The following NTM variants were observed in gnomAD, a reference collection of about 807,000 sequenced individuals.
NTM encodes the protein IgLON family member 2.
NTM carries 13 observed loss-of-function variants against 42.1 expected under a neutral mutation model. The ratio of observed to expected loss-of-function variants is 0.31; its 90% confidence interval spans 0.20 to 0.49. The LOEUF (loss-of-function observed/expected upper bound fraction) is 0.49. NTM is among the 20% of genes least tolerant of loss of function. NTM has a pLI of 0.99. For missense variants in NTM, 373 were observed against 452.8 expected (o/e 0.82, Z 1.60); for synonymous variants, 187 against 179.2 (o/e 1.04, Z -0.35).
At chr11:131,636,748 CTG>C (rs1415287322) in intron 1 of NTM, among the ~76,000 whole-genome samples, 6 of 152,228 alleles carry the variant, frequency 3.9e-5, no homozygotes, top group African/African-American at 1.4e-4. Context: ...GAGCAAGTGA[CTG>C]TATGTCTGTG....
intron 1 of NTM, among the ~76,000 whole-genome samples, chr11:131,394,529 T>C (rs1337465242): frequency 6.6e-6 from 1 of 152,212 alleles, no homozygotes; most frequent in Non-Finnish European, 1.5e-5. Context: ...TGAGTGACTT[T>C]GGAGCCATGC....
At chr11:132,283,504 C>T (rs1052737333) in intron 4 of NTM, among the ~76,000 whole-genome samples, 6 of 152,118 alleles carry the variant, frequency 3.9e-5, no homozygotes, top group Middle Eastern at 3.4e-3. Context: ...ATTAGGACAG[C>T]GATCAGAGAT....
chr11:132,007,682 C>T (rs2071122210), intron 2 of NTM, among the ~76,000 whole-genome samples: 1 of 152,188 alleles, frequency 6.6e-6, no homozygotes. Context: ...TAATCATCCA[C>T]CTGATTTGCA....
intron 1 of NTM, among the ~76,000 whole-genome samples, chr11:131,636,797 C>A (rs2064457151): frequency 6.6e-6 from 1 of 152,156 alleles, no homozygotes; most frequent in Admixed American, 6.5e-5. Flanking sequence ...ATTATAACAC[C>A]TTTCAGTGGA....
intron 1 of NTM, among the ~76,000 whole-genome samples, chr11:131,826,372 G>A (rs900218320): frequency 5.3e-5 from 8 of 151,976 alleles, no homozygotes; most frequent in Non-Finnish European, 1.5e-5. Flanking sequence ...AATGCCATGA[G>A]TCCCAGAAAA....
chr11:131,600,254 C>A (rs193184926), intron 1 of NTM, among the ~76,000 whole-genome samples: 1 of 152,116 alleles, frequency 6.6e-6, no homozygotes, highest in African/African-American at 2.4e-5. Flanking sequence ...GAAGCACATT[C>A]CTCATGCAGA....
At chr11:131,395,465 T>C (rs1042425342) in intron 1 of NTM, among the ~76,000 whole-genome samples, 1 of 152,176 alleles carries the variant, frequency 6.6e-6, no homozygotes. Flanking sequence ...AACTTTTTTC[T>C]CTCTTTTTTC....
At chr11:131,757,704 T>G (rs1003162541) in intron 1 of NTM, among the ~76,000 whole-genome samples, 6 of 152,204 alleles carry the variant, frequency 3.9e-5, no homozygotes, top group African/African-American at 1.4e-4. Context: ...ATTATTATTA[T>G]GTTTGTTTTT....
At chr11:131,845,637 T>C (rs1169306306) in intron 1 of NTM, among the ~76,000 whole-genome samples, 1 of 151,462 alleles carries the variant, frequency 6.6e-6, no homozygotes, top group African/African-American at 2.4e-5. Flanking sequence ...ATCTAATTCA[T>C]CTCTGGAACG....
At chr11:131,815,116 A>G (rs1341640513) in intron 1 of NTM, among the ~76,000 whole-genome samples, 1 of 152,102 alleles carries the variant, frequency 6.6e-6, no homozygotes. Context: ...CCTCAGGATC[A>G]AGCTCGAACT....
At chr11:131,389,194 C>T (rs1463591343) in intron 1 of NTM, among the ~76,000 whole-genome samples, 2 of 152,154 alleles carry the variant, frequency 1.3e-5, no homozygotes, top group African/African-American at 2.4e-5. Context: ...GGTTGAGCTC[C>T]CTGCCTCGGG....
At chr11:131,635,773 C>T (rs966787928) in intron 1 of NTM, among the ~76,000 whole-genome samples, 16 of 152,134 alleles carry the variant, frequency 1.1e-4, no homozygotes, top group African/African-American at 3.4e-4. Flanking sequence ...CGCCTCTTCT[C>T]ACTGACTCAC....
intron 5 of NTM, 49 bp from the exon 6 acceptor site, chr11:132,310,056 CAAAAAAA>C: frequency 1.1e-5 from 14 of 1,316,884 alleles, no homozygotes; most frequent in Admixed American, 6.9e-5. Flanking sequence ...GACTCCATCT[CAAAAAAA>C]AAAAAAAAAA....
intron 4 of NTM, among the ~76,000 whole-genome samples, chr11:132,298,444 G>T (rs1364115982): frequency 6.6e-6 from 1 of 152,080 alleles, no homozygotes; most frequent in Non-Finnish European, 1.5e-5. Flanking sequence ...ATCATCACGC[G>T]TAATAGAGGG....
At chr11:132,063,182 T>C (rs1012722958) in intron 2 of NTM, among the ~76,000 whole-genome samples, 2 of 152,120 alleles carry the variant, frequency 1.3e-5, no homozygotes. Context: ...CCTCTCCCTT[T>C]TGGGAGCCTC....
chr11:132,000,516 A>C (rs1452002065), intron 2 of NTM, among the ~76,000 whole-genome samples: 1 of 152,178 alleles, frequency 6.6e-6, no homozygotes, highest in African/African-American at 2.4e-5. Flanking sequence ...TGTGCAAAGC[A>C]TTTGGGGTGA....
At chr11:132,139,413 G>A (rs1056659041) in intron 2 of NTM, among the ~76,000 whole-genome samples, 1 of 152,202 alleles carries the variant, frequency 6.6e-6, no homozygotes, top group African/African-American at 2.4e-5. Flanking sequence ...ATTTAAATTA[G>A]TGTTGGGCTT....
chr11:131,584,993 G>C lies in NTM; in HGVS notation c.82+214105G>C, dbSNP rs76496071. Among the ~76,000 whole-genome samples, 86 of 151,618 alleles carry C rather than the reference G, an allele frequency of 5.7e-4. 2 individuals carry two copies. In the East Asian group the frequency reaches 0.017, roughly 30 times the overall value. ...GAAGCGCAGCTGCTGAGAGGCCAAG[G>C]GGGGTGCAGTGGGGGGGAAGCTGCA... On this transcript the variant is annotated intron_variant, in intron 1 of 8. Transcript: ENST00000683400.
chr11:132,250,779 G>C (rs367848145), intron 4 of NTM, among the ~76,000 whole-genome samples: 5 of 151,734 alleles, frequency 3.3e-5, no homozygotes, highest in African/African-American at 9.7e-5. Flanking sequence ...TATTAGTCAA[G>C]TTTGTCATGC....
Sources: allele counts gnomAD v4.1 joint callset (sites outside exome capture counted in the v4.1 genomes callset), GRCh38; gene constraint gnomAD v4.1.1; transcripts MANE v1.5; gene names NCBI Gene and HGNC (gene_info 2026-07-23, HGNC 2026-07-21).